CAV1: variants seen among roughly 807,000 people sequenced by gnomAD.
CAV1 encodes the protein caveolin 1, also known as caveolin-1.
In CAV1, 10 loss-of-function variants were observed where a neutral mutation model predicts 16.5. The observed-to-expected ratio is 0.61, with a 90% CI of 0.37 to 1.03. The LOEUF (loss-of-function observed/expected upper bound fraction) is 1.03. CAV1 is among the 50% of genes least tolerant of loss of function. The probability of loss-of-function intolerance (pLI) is 0.01; values close to 1 mark genes in which losing one functional copy is unlikely to be tolerated. For missense variants in CAV1, 212 were observed against 232.8 expected, an observed-to-expected ratio of 0.91 and a Z score of 0.58; for synonymous variants, 76 against 85.1, an observed-to-expected ratio of 0.89 and a Z score of 0.59.
intron 2 of CAV1, among the ~76,000 whole-genome samples, chr7:116,534,395 A>ATTTTTTT (rs1159703159): frequency 6.4e-4 from 5 of 7,824 alleles, no homozygotes; most frequent in African/African-American, 1.0e-3. Flanking sequence ...ATATATATAT[A>ATTTTTTT]TTTTTTTTTT....
chr7:116,537,224 C>T (rs952313705), intron 2 of CAV1, among the ~76,000 whole-genome samples: 2 of 152,130 alleles, frequency 1.3e-5, no homozygotes, highest in African/African-American at 2.4e-5. Context: ...TATTCTGTCT[C>T]ACAGTAATTT....
At chr7:116,540,940 G>A (rs1793922877) in intron 2 of CAV1, among the ~76,000 whole-genome samples, 1 of 152,052 alleles carries the variant, frequency 6.6e-6, no homozygotes, top group Admixed American at 6.5e-5. Flanking sequence ...CAGTTCCAAG[G>A]GGCCAAGGTC....
intron 2 of CAV1, among the ~76,000 whole-genome samples, chr7:116,538,735 C>T (rs527911936): frequency 3.9e-5 from 6 of 152,162 alleles, no homozygotes; most frequent in East Asian, 1.9e-4. Flanking sequence ...AAGACATATC[C>T]GGGATTGGGT....
chr7:116,544,527 G>C (rs1426581747), intron 2 of CAV1, among the ~76,000 whole-genome samples: 1 of 152,042 alleles, frequency 6.6e-6, no homozygotes, highest in Non-Finnish European at 1.5e-5. Flanking sequence ...ATAAATAAAA[G>C]GTCCAGGTGA....
intron 2 of CAV1, among the ~76,000 whole-genome samples, chr7:116,535,819 C>G (rs1204417086): frequency 6.6e-6 from 1 of 152,142 alleles, no homozygotes; most frequent in East Asian, 1.9e-4. Flanking sequence ...AGTACATATT[C>G]CTAAAGACAC....
intron 2 of CAV1, among the ~76,000 whole-genome samples, chr7:116,553,305 T>G (rs985073539): frequency 2.0e-5 from 3 of 152,020 alleles, no homozygotes; most frequent in African/African-American, 7.2e-5. Context: ...CAGGACAGAT[T>G]GCTTTTCTTG....
chr7:116,559,394 T>C lies in CAV1; in HGVS notation c.*107T>C. ...ATACAGCAACAATTTATGAATTGAA[T>C]TATCTTGGTTGAAAATAAAAAGATC... On this transcript the variant is annotated 3_prime_UTR_variant, in exon 3 of 3. Transcript: ENST00000341049. The C allele has an allele frequency of 1.3e-6, 1 of 750,200 alleles. No homozygotes were observed. Among genetic ancestry groups the C allele is most frequent in the South Asian group, 1.5e-5 (1 of 64,772 alleles). The allele number at this position is 750,200 out of a possible 1,614,324, so 46.5% of individuals were successfully genotyped here.
At chr7:116,552,751 C>T (rs1342575482) in intron 2 of CAV1, among the ~76,000 whole-genome samples, 2 of 152,134 alleles carry the variant, frequency 1.3e-5, no homozygotes, top group African/African-American at 4.8e-5. Context: ...CCTGGAAGTC[C>T]CCTCTAGCAG....
intron 2 of CAV1, among the ~76,000 whole-genome samples, chr7:116,552,560 G>A (rs1369531952): frequency 6.6e-6 from 1 of 152,152 alleles, no homozygotes; most frequent in East Asian, 1.9e-4. Flanking sequence ...GCAGCTGCTG[G>A]CATTGCTTCA....
At chr7:116,532,992 C>T (rs56010123) in intron 2 of CAV1, among the ~76,000 whole-genome samples, 13,572 of 152,106 alleles carry the variant, frequency 0.089, 747 homozygotes, top group East Asian at 0.17. Context: ...CAGTAGTCCA[C>T]GAGATTTGAG....
At chr7:116,556,228 A>C (rs893649811) in intron 2 of CAV1, among the ~76,000 whole-genome samples, 2 of 152,252 alleles carry the variant, frequency 1.3e-5, no homozygotes, top group Non-Finnish European at 2.9e-5. Context: ...ATTATTATTA[A>C]GAAATCTTAC....
At chr7:116,545,962 A>G (rs1452692221) in intron 2 of CAV1, among the ~76,000 whole-genome samples, 1 of 152,230 alleles carries the variant, frequency 6.6e-6, no homozygotes, top group Non-Finnish European at 1.5e-5. Flanking sequence ...TCATACATTA[A>G]ACAAGGTAGG....
rs1308917788 is a variant in CAV1, at chr7:116,560,367, G to T, written c.*1080G>T. 1 of 152,260 alleles carries T rather than the reference G, an allele frequency of 6.6e-6. No homozygotes were observed. Among genetic ancestry groups the T allele is most frequent in the Non-Finnish European group, 1.5e-5 (1 of 68,086 alleles). The allele number at this position is 152,260 out of a possible 1,614,324, so 9.4% of individuals were successfully genotyped here. ...TCAACATTGTGTTCCCATTTCAGCT[G>T]ATCAGTGGGCCTCCAAGGAGGGGCT... On this transcript the variant is annotated 3_prime_UTR_variant, in exon 3 of 3. Coordinates refer to ENST00000341049, the MANE Select transcript of CAV1 (RefSeq NM_001753.5).
Position 116,557,353 on chromosome 7 carries a change from T to C in CAV1, c.196-1593T>C, listed in dbSNP as rs377387811. ...GGCTCTTTGGCACTGAGTAGCTCCGTGGAGTCATGGCAGTCCTCATTCCCT... is the reference window on the plus strand; with the variant it reads ...GGCTCTTTGGCACTGAGTAGCTCCGCGGAGTCATGGCAGTCCTCATTCCCT... On this transcript the variant is annotated intron_variant, in intron 2 of 2. Coordinates refer to ENST00000341049, the MANE Select transcript of CAV1 (RefSeq NM_001753.5). Among the ~76,000 whole-genome samples, 4 of 152,190 alleles carry C rather than the reference T, an allele frequency of 2.6e-5. No homozygotes were observed. In the East Asian group the frequency reaches 7.7e-4, roughly 29 times the overall value.
At chr7:116,533,702 CT>C (rs1256829275) in intron 2 of CAV1, among the ~76,000 whole-genome samples, 11 of 152,176 alleles carry the variant, frequency 7.2e-5, no homozygotes, top group Admixed American at 3.3e-4. Flanking sequence ...CCTTCACAAA[CT>C]TTTGATGGAT....
chr7:116,535,119 C>T (rs530456846), intron 2 of CAV1, among the ~76,000 whole-genome samples: 1 of 152,306 alleles, frequency 6.6e-6, no homozygotes, highest in East Asian at 1.9e-4. Context: ...CAGCACTACT[C>T]AGCCGCAAGT....
At chr7:116,526,502 C>T (rs1793564114) in intron 1 of CAV1, 23 bp from the exon 2 acceptor site, 1 of 1,613,502 alleles carries the variant, frequency 6.2e-7, no homozygotes, top group African/African-American at 1.3e-5. Flanking sequence ...CCGTCCTGGC[C>T]GTCCGCCCTC....
At chr7:116,534,091 A>G (rs1793741995) in intron 2 of CAV1, among the ~76,000 whole-genome samples, 1 of 151,668 alleles carries the variant, frequency 6.6e-6, no homozygotes, top group Admixed American at 6.6e-5. Context: ...GGTGGCATGC[A>G]CCTGTAGTCC....
chr7:116,525,125 G>T (rs1443669187), intron 1 of CAV1, 33 bp downstream of exon 1: 1 of 1,614,164 alleles, frequency 6.2e-7, no homozygotes, highest in East Asian at 2.2e-5. Flanking sequence ...CGGCTCGGGC[G>T]TGCGGGGAGT....
Sources: gnomAD v4.1 joint callset for allele counts (sites outside exome capture counted in the v4.1 genomes callset) on GRCh38, gnomAD v4.1.1 for gene constraint, MANE v1.5 for transcripts, NCBI Gene and HGNC (gene_info 2026-07-23, HGNC 2026-07-21) for gene names.